CNTNAP5: variants seen among roughly 807,000 people sequenced by gnomAD.
The protein encoded by CNTNAP5 is contactin-associated protein-like 5.
CNTNAP5 carries 72 observed loss-of-function variants against 150.2 expected under a neutral mutation model. The ratio of observed to expected loss-of-function variants is 0.48; its 90% confidence interval spans 0.40 to 0.58. CNTNAP5 has a LOEUF of 0.58. Among genes scored for constraint, CNTNAP5 ranks in the 20% least tolerant of loss-of-function variants. CNTNAP5 has a pLI of 0.00. For synonymous variants in CNTNAP5, 672 were observed against 619.8 expected, an observed-to-expected ratio of 1.08 and a Z score of -1.25; for missense variants, 1,636 against 1,626.2, an observed-to-expected ratio of 1.01 and a Z score of -0.10.
chr2:124,495,601 C>G lies in CNTNAP5; in HGVS notation c.1063-8691C>G, dbSNP rs371594582. ...CATTAGCAGGGCCTTCCTTCCATTTCTAAAAATGTGTCTCTCGTGGATGTC... is the reference window on the plus strand; with the variant it reads ...CATTAGCAGGGCCTTCCTTCCATTTGTAAAAATGTGTCTCTCGTGGATGTC... On this transcript the variant is annotated intron_variant, in intron 7 of 23. Transcript: ENST00000682447. Among the ~76,000 whole-genome samples the G allele has an allele frequency of 2.0e-5, 3 of 152,290 alleles. No individual in the cohort carries two copies. In the East Asian group the frequency reaches 5.8e-4, roughly 29 times the overall value.
chr2:124,294,757 T>TA (rs754068572), intron 3 of CNTNAP5, among the ~76,000 whole-genome samples: 1 of 152,238 alleles, frequency 6.6e-6, no homozygotes, highest in Non-Finnish European at 1.5e-5. Context: ...ACTTTCACTT[T>TA]AATGTGGAAG....
chr2:124,685,760 G>T (rs1420398583), intron 13 of CNTNAP5, among the ~76,000 whole-genome samples: 1 of 125,638 alleles, frequency 8.0e-6, no homozygotes, highest in Non-Finnish European at 1.8e-5. Context: ...GTGTGTGTGT[G>T]TGCGCGCGCG....
chr2:124,257,755 C>G (rs561341341), intron 3 of CNTNAP5, among the ~76,000 whole-genome samples: 3 of 151,572 alleles, frequency 2.0e-5, no homozygotes, highest in Middle Eastern at 3.2e-3. Flanking sequence ...TTGCTCCATG[C>G]GAGTTAGTCT....
rs562062576 is a variant in CNTNAP5, at chr2:124,712,174, C to A, written c.2078-35055C>A. 8.5e-5 allele frequency among the ~76,000 whole-genome samples: 13 copies of A among 152,252 alleles called. No individual in the cohort carries two copies. The South Asian group carries it at 2.3e-3, about 27-fold the overall frequency. On this transcript the variant is annotated intron_variant, in intron 13 of 23. Coordinates refer to ENST00000682447, the MANE Select transcript of CNTNAP5 (RefSeq NM_001367498.1). ...TGATTTACTTTTCTTCTGGGACTTA[C>A]CTCCCTTCAGACTCATGTTGGGTGG...
intron 10 of CNTNAP5, among the ~76,000 whole-genome samples, chr2:124,548,707 C>T (rs1695569558): frequency 6.6e-6 from 1 of 152,138 alleles, no homozygotes; most frequent in Non-Finnish European, 1.5e-5. Context: ...ACAAAACCAT[C>T]TGCAAGTATA....
At chr2:124,569,771 T>C (rs962579785) in intron 11 of CNTNAP5, among the ~76,000 whole-genome samples, 1 of 152,246 alleles carries the variant, frequency 6.6e-6, no homozygotes, top group African/African-American at 2.4e-5. Context: ...AAGCCTGATG[T>C]AGTGCTTCTT....
At chr2:124,461,275 G>C (rs182797522) in intron 6 of CNTNAP5, among the ~76,000 whole-genome samples, 27 of 152,102 alleles carry the variant, frequency 1.8e-4, no homozygotes, top group African/African-American at 4.6e-4. Context: ...TTGGAACCAA[G>C]CCAAATGTCC....
At chr2:124,421,218 C>T (rs1489828523) in intron 4 of CNTNAP5, among the ~76,000 whole-genome samples, 1 of 152,124 alleles carries the variant, frequency 6.6e-6, no homozygotes, top group African/African-American at 2.4e-5. Context: ...ATGGCCTGAC[C>T]TCAGAGATGA....
chr2:124,491,047 G>A (rs1694012040), intron 7 of CNTNAP5, among the ~76,000 whole-genome samples: 1 of 152,024 alleles, frequency 6.6e-6, no homozygotes, highest in Non-Finnish European at 1.5e-5. Context: ...TAGTATATAT[G>A]TTCAAGGTGT....
intron 12 of CNTNAP5, among the ~76,000 whole-genome samples, chr2:124,632,750 C>T (rs1677890901): frequency 6.6e-6 from 1 of 151,598 alleles, no homozygotes. Context: ...ATACCTGAGA[C>T]TGGGTAATTT....
intron 7 of CNTNAP5, among the ~76,000 whole-genome samples, chr2:124,485,481 C>T (rs1410950070): frequency 2.6e-5 from 4 of 151,762 alleles, no homozygotes; most frequent in Non-Finnish European, 2.9e-5. Flanking sequence ...GGCGTGGTGG[C>T]GGGCACCTGT....
chr2:124,605,444 G>A (rs1169567895), intron 11 of CNTNAP5, among the ~76,000 whole-genome samples: 1 of 152,156 alleles, frequency 6.6e-6, no homozygotes, highest in Admixed American at 6.6e-5. Flanking sequence ...AAGTTAAAAA[G>A]AAAATATTAA....
chr2:124,419,153 A>AAAAAAAAAAAAAAAAAAAC (rs1553466545), intron 4 of CNTNAP5, among the ~76,000 whole-genome samples: 14 of 76,404 alleles, frequency 1.8e-4, no homozygotes, highest in South Asian at 4.5e-4. Flanking sequence ...AAAAAAAAAA[A>AAAAAAAAAAAAAAAAAAAC]AAAAAAAAAA....
intron 1 of CNTNAP5, among the ~76,000 whole-genome samples, chr2:124,220,614 G>A (rs1686279763): frequency 6.6e-6 from 1 of 152,134 alleles, no homozygotes; most frequent in South Asian, 2.1e-4. Context: ...ATAAGGAACA[G>A]AAATTTATTG....
chr2:124,747,084 T>G, intron 13 of CNTNAP5, 145 bp from the exon 14 acceptor site: 1 of 612,410 alleles, frequency 1.6e-6, no homozygotes. Flanking sequence ...GAAGGGGGGA[T>G]GTGAGGGAGG....
At chr2:124,378,442 A>T (rs1690707424) in intron 3 of CNTNAP5, among the ~76,000 whole-genome samples, 1 of 152,272 alleles carries the variant, frequency 6.6e-6, no homozygotes, top group East Asian at 1.9e-4. Flanking sequence ...ATTTTTCTTT[A>T]AATATAAAAG....
intron 3 of CNTNAP5, among the ~76,000 whole-genome samples, chr2:124,344,908 T>C (rs1573929974): frequency 6.6e-6 from 1 of 152,200 alleles, no homozygotes; most frequent in African/African-American, 2.4e-5. Flanking sequence ...CCTGAATCCA[T>C]GGCTTCTCTG....
At chr2:124,096,183 C>T (rs1039660952) in intron 1 of CNTNAP5, among the ~76,000 whole-genome samples, 1 of 152,172 alleles carries the variant, frequency 6.6e-6, no homozygotes, top group African/African-American at 2.4e-5. Context: ...TATCCTTGCC[C>T]TGTAAGTAAA....
At chr2:124,486,726 C>T (rs1388047315) in intron 7 of CNTNAP5, among the ~76,000 whole-genome samples, 1 of 152,102 alleles carries the variant, frequency 6.6e-6, no homozygotes, top group East Asian at 1.9e-4. Context: ...AAGTATAGGC[C>T]TAGGCTCTTG....
Sources: gnomAD v4.1 joint callset for allele counts (sites outside exome capture counted in the v4.1 genomes callset) on GRCh38, gnomAD v4.1.1 for gene constraint, MANE v1.5 for transcripts, NCBI Gene and HGNC (gene_info 2026-07-23, HGNC 2026-07-21) for gene names.